The following MALRD1 variants were observed in gnomAD, a reference collection of about 807,000 sequenced individuals.
MALRD1 encodes the protein MAM and LDL receptor class A domain containing 1.
MALRD1 carries 247 observed loss-of-function variants against 242.1 expected under a neutral mutation model. That is an observed-to-expected ratio of 1.02 (90% CI 0.92 to 1.13). The LOEUF (loss-of-function observed/expected upper bound fraction) is 1.13, where lower values mean the gene tolerates loss of function less well. Among genes scored for constraint, MALRD1 ranks in the 50% most tolerant of loss-of-function variants. MALRD1 has a pLI of 0.00. For missense variants in MALRD1, 2,989 were observed against 2,533.1 expected (o/e 1.18, Z -3.86); for synonymous variants, 995 against 866.6 (o/e 1.15, Z -2.60).
At chr10:19,347,663 G>A in intron 24 of MALRD1, 108 bp from the exon 25 acceptor site, 2 of 1,287,706 alleles carry the variant, frequency 1.6e-6, no homozygotes, top group South Asian at 1.5e-5. Context: ...GCATTATGAA[G>A]GTTTCAAATA....
Position 19,447,017 on chromosome 10 carries a change from T to G in MALRD1, c.4846-3290T>G, listed in dbSNP as rs192472301. Among the ~76,000 whole-genome samples, 7 of 150,616 alleles carry G rather than the reference T, an allele frequency of 4.6e-5. No homozygotes were observed. In the East Asian group the frequency reaches 1.4e-3, roughly 30 times the overall value. On this transcript the variant is annotated intron_variant, in intron 28 of 39. Coordinates refer to ENST00000454679, the MANE Select transcript of MALRD1 (RefSeq NM_001142308.3). ...ATTTGGGAATTGACTACATAATCACTTTTTAAAAAGTTTCTCTGTTAGGAA... is the reference window on the plus strand; with the variant it reads ...ATTTGGGAATTGACTACATAATCACGTTTTAAAAAGTTTCTCTGTTAGGAA...
At chr10:19,729,996 C>T (rs1430936617) in intron 38 of MALRD1, among the ~76,000 whole-genome samples, 2 of 152,010 alleles carry the variant, frequency 1.3e-5, no homozygotes, top group Admixed American at 6.5e-5. Context: ...CTCGGCCTCC[C>T]GAAGTGCTGG....
intron 2 of MALRD1, among the ~76,000 whole-genome samples, chr10:19,078,739 T>G (rs939624486): frequency 2.6e-5 from 4 of 151,842 alleles, no homozygotes; most frequent in African/African-American, 7.2e-5. Context: ...TGAATTGGCT[T>G]TGGTAGTTTG....
chr10:19,427,532 C>T (rs886443607), intron 28 of MALRD1, among the ~76,000 whole-genome samples: 3 of 152,288 alleles, frequency 2.0e-5, no homozygotes, highest in Admixed American at 1.3e-4. Context: ...TAATTTAGCT[C>T]TCTAGTTCCT....
At chr10:19,146,488 A>C (rs1194751883) in intron 11 of MALRD1, 144 bp downstream of exon 11, 1 of 659,014 alleles carries the variant, frequency 1.5e-6, no homozygotes, top group African/African-American at 1.9e-5. Context: ...TGACCAAGTT[A>C]ATAATTGGCG....
rs1368077802 is a variant in MALRD1, at chr10:19,352,267, CAAG to C, written c.4417_4419del (p.Glu1473del). 4 of 1,549,846 alleles carry C rather than the reference CAAG, an allele frequency of 2.6e-6. No individual in the cohort carries two copies. Among genetic ancestry groups the C allele is most frequent in the Admixed American group, 2.0e-5 (1 of 50,918 alleles). On this transcript the variant is annotated inframe_deletion, in exon 26 of 40. Transcript: ENST00000454679. ...TTGTCTATCACTCCATGATTCCGTG[CAAG>C]AAGAACTGGCAGTGCCTCTTCCAAC...
At chr10:19,501,059 G>A (rs1837944926) in intron 31 of MALRD1, among the ~76,000 whole-genome samples, 1 of 152,160 alleles carries the variant, frequency 6.6e-6, no homozygotes. Context: ...ATGTGCCTTG[G>A]AGTTGGGAGG....
Position 19,596,015 on chromosome 10 carries a change from G to A in MALRD1, c.5944+558G>A, listed in dbSNP as rs146179667. 1.5e-3 allele frequency among the ~76,000 whole-genome samples: 229 copies of A among 152,262 alleles called. 6 individuals carry two copies. In the East Asian group the frequency reaches 0.037, roughly 24 times the overall value. ...TGTTACTTACTATGTGTGCAGTCTT[G>A]GCAGAAGTTATTTAAGTGCTGCCAA... On this transcript the variant is annotated intron_variant, in intron 34 of 39. Coordinates refer to ENST00000454679, the MANE Select transcript of MALRD1 (RefSeq NM_001142308.3).
intron 36 of MALRD1, among the ~76,000 whole-genome samples, chr10:19,661,747 C>T (rs1841449738): frequency 6.6e-6 from 1 of 152,042 alleles, no homozygotes; most frequent in South Asian, 2.1e-4. Context: ...AACAAACCTG[C>T]ACGTTGTGCA....
intron 33 of MALRD1, among the ~76,000 whole-genome samples, chr10:19,591,439 T>C (rs1035980979): frequency 2.6e-5 from 4 of 151,852 alleles, no homozygotes; most frequent in African/African-American, 9.7e-5. Flanking sequence ...CCATTAACAT[T>C]AACTTTCTTA....
At chr10:19,635,047 G>A (rs970549874) in intron 36 of MALRD1, among the ~76,000 whole-genome samples, 1 of 152,162 alleles carries the variant, frequency 6.6e-6, no homozygotes, top group Non-Finnish European at 1.5e-5. Context: ...AGACTGCCTT[G>A]CAACTAGTAC....
In MALRD1 at chr10:19,333,867, T is replaced by A. The variant is rs1164865987; in HGVS notation, c.3901+2285T>A. On this transcript the variant is annotated intron_variant, in intron 24 of 39. Transcript: ENST00000454679. ...ACTAGTGTAAGATGGTATCTCACTG[T>A]GGTTTTGATTTGCATTTCTCTGATG... Among the ~76,000 whole-genome samples the A allele has an allele frequency of 2.0e-5, 3 of 152,136 alleles. 1 individual carries two copies.
At chr10:19,569,870 C>G (rs1383529669) in intron 33 of MALRD1, among the ~76,000 whole-genome samples, 2 of 149,270 alleles carry the variant, frequency 1.3e-5, no homozygotes, top group South Asian at 2.1e-4. Flanking sequence ...ATGTATTTTA[C>G]TAATTTTGAG....
intron 38 of MALRD1, among the ~76,000 whole-genome samples, chr10:19,705,102 T>C (rs1227540576): frequency 6.6e-6 from 1 of 152,148 alleles, no homozygotes; most frequent in Admixed American, 6.5e-5. Context: ...GAAATATCTG[T>C]TCCTGTAATA....
At chr10:19,214,876 G>A (rs758113018) in intron 18 of MALRD1, among the ~76,000 whole-genome samples, 2 of 152,166 alleles carry the variant, frequency 1.3e-5, no homozygotes, top group African/African-American at 4.8e-5. Flanking sequence ...CAGAAACATT[G>A]TGGTGTTAGA....
At chr10:19,618,207 C>G (rs566258559) in intron 36 of MALRD1, among the ~76,000 whole-genome samples, 1 of 152,076 alleles carries the variant, frequency 6.6e-6, no homozygotes, top group Admixed American at 6.6e-5. Context: ...TATATATGTA[C>G]CACATTTCCT....
At chr10:19,507,189 T>C (rs186640253) in intron 31 of MALRD1, among the ~76,000 whole-genome samples, 1 of 152,146 alleles carries the variant, frequency 6.6e-6, no homozygotes, top group African/African-American at 2.4e-5. Context: ...CAGTCACCTC[T>C]CACCAGGCCC....
chr10:19,305,895 ATATATAC>A (rs1265341384), intron 21 of MALRD1, among the ~76,000 whole-genome samples: 5 of 130,764 alleles, frequency 3.8e-5, no homozygotes, highest in African/African-American at 1.5e-4. Flanking sequence ...AATATATATT[ATATATAC>A]TATATACTAT....
intron 36 of MALRD1, among the ~76,000 whole-genome samples, chr10:19,626,213 T>C (rs1388194490): frequency 6.6e-6 from 1 of 151,798 alleles, no homozygotes; most frequent in African/African-American, 2.4e-5. Flanking sequence ...AATCTAAAAG[T>C]CAAAACTGTA....
Sources: gnomAD v4.1 joint callset for allele counts (sites outside exome capture counted in the v4.1 genomes callset) on GRCh38, gnomAD v4.1.1 for gene constraint, MANE v1.5 for transcripts, NCBI Gene and HGNC (gene_info 2026-07-23, HGNC 2026-07-21) for gene names.